The following WDFY3 variants were observed in gnomAD, a reference collection of about 807,000 sequenced individuals.
WDFY3 encodes WD repeat and FYVE domain containing 3, also known as WD repeat and FYVE domain-containing protein 3.
WDFY3 carries 66 observed loss-of-function variants against 409.6 expected under a neutral mutation model. The ratio of observed to expected loss-of-function variants is 0.16; its 90% CI spans 0.13 to 0.20. The LOEUF (loss-of-function observed/expected upper bound fraction) is 0.20, where lower values mean the gene tolerates loss of function less well. Among genes scored for constraint, WDFY3 ranks in the 10% least tolerant of loss-of-function variants. The pLI is 1.00. For missense variants in WDFY3, 3,031 were observed against 4,298.1 expected (o/e 0.71, Z 8.24); for synonymous variants, 1,521 against 1,537.1 (o/e 0.99, Z 0.25).
intron 55 of WDFY3, among the ~76,000 whole-genome samples, chr4:84,702,994 G>T (rs1263335842): frequency 2.0e-5 from 3 of 152,028 alleles, no homozygotes; most frequent in Non-Finnish European, 4.4e-5. Flanking sequence ...TACTTGGGAG[G>T]CTGAGGCAGG....
rs146666242 is a variant in WDFY3, at chr4:84,800,880, A to T, written c.2822+770T>A. Among the ~76,000 whole-genome samples the T allele has an allele frequency of 6.8e-3, 1,042 of 152,250 alleles. 10 individuals are homozygous for T. Among genetic ancestry groups the T allele is most frequent in the African/African-American group, 0.024 (982 of 41,548 alleles). ...TTGACAGGAGGCAGAGCACAGGCGG[A>T]AATGCTGGCTCACCCACAGCTTACC... On this transcript the variant is annotated intron_variant, in intron 17 of 67. Coordinates refer to ENST00000295888, the MANE Select transcript of WDFY3 (RefSeq NM_014991.6).
chr4:84,755,479 A>C, intron 33 of WDFY3, 79 bp from the exon 34 acceptor site: 1 of 1,497,416 alleles, frequency 6.7e-7, no homozygotes, highest in East Asian at 2.4e-5. Context: ...ATAGGCTAAA[A>C]TTTCTTTGAA....
intron 56 of WDFY3, among the ~76,000 whole-genome samples, chr4:84,701,979 C>T (rs1038302467): frequency 5.3e-5 from 8 of 152,112 alleles, no homozygotes; most frequent in East Asian, 1.9e-4. Context: ...ATCAAAACAA[C>T]GAAATTCTAA....
intron 47 of WDFY3, 144 bp downstream of exon 47, chr4:84,721,265 G>A: frequency 2.8e-6 from 3 of 1,060,178 alleles, no homozygotes; most frequent in Admixed American, 4.9e-5. Context: ...GAAAAGTAGA[G>A]TACTGAACCC....
intron 3 of WDFY3, among the ~76,000 whole-genome samples, chr4:84,895,144 T>C (rs1765466099): frequency 6.6e-6 from 1 of 152,180 alleles, no homozygotes; most frequent in South Asian, 2.1e-4. Context: ...AAATTGTATA[T>C]GTTAACATTT....
In WDFY3 at chr4:84,808,471, C is replaced by A. The variant is rs184877212; in HGVS notation, c.2346-54G>T. On this transcript the variant is annotated intron_variant, in intron 14 of 67. Transcript: ENST00000295888. ...TTAGAGAGGTTAGAAGAAGAGAACA[C>A]CAGGTTGGCAGTTGGTTAGTTTCAC... 8 of 1,507,446 alleles carry A rather than the reference C, an allele frequency of 5.3e-6. No homozygotes were observed. The East Asian group carries it at 1.6e-4, about 30-fold the overall frequency. The allele number at this position is 1,507,446 out of a possible 1,614,324, so 93.4% of individuals were successfully genotyped here.
At chr4:84,944,973 C>T (rs992878155) in intron 1 of WDFY3, among the ~76,000 whole-genome samples, 3 of 151,934 alleles carry the variant, frequency 2.0e-5, no homozygotes, top group Admixed American at 2.0e-4. Flanking sequence ...TTGAAAAGAT[C>T]AAAAGATAAA....
chr4:84,706,024 T>A (rs1389368394), intron 53 of WDFY3, among the ~76,000 whole-genome samples: 1 of 151,970 alleles, frequency 6.6e-6, no homozygotes, highest in Non-Finnish European at 1.5e-5. Flanking sequence ...ACTCAGTAAT[T>A]CTTTCACCTC....
chr4:84,857,687 T>A (rs999802760), intron 4 of WDFY3, among the ~76,000 whole-genome samples: 1 of 152,224 alleles, frequency 6.6e-6, no homozygotes, highest in Admixed American at 6.5e-5. Context: ...AAAAGAGCTA[T>A]TTTAAACCTT....
At position 84,709,111 on chromosome 4, in the gene WDFY3, G is replaced by A. The variant is rs1347373053; in HGVS notation, c.8098-83C>T. The A allele has an allele frequency of 9.8e-6, 15 of 1,533,410 alleles. No individual in the cohort carries two copies. The African/African-American group carries it at 1.7e-4, about 17-fold the overall frequency. 95.0% of individuals were successfully genotyped at this position (1,533,410 alleles called of 1,614,324 possible). ...TTTAAAATTTTATATACAAAATGATGTAAAGGACAGTTTCTTTTTAACAGA... is the reference window on the plus strand; with the variant it reads ...TTTAAAATTTTATATACAAAATGATATAAAGGACAGTTTCTTTTTAACAGA... On this transcript the variant is annotated intron_variant, in intron 52 of 67. Transcript: ENST00000295888.
intron 2 of WDFY3, among the ~76,000 whole-genome samples, chr4:84,928,402 G>A (rs1370591975): frequency 6.6e-6 from 1 of 152,128 alleles, no homozygotes; most frequent in East Asian, 1.9e-4. Flanking sequence ...AGACTTCTCA[G>A]TCTCCATAAT....
intron 2 of WDFY3, among the ~76,000 whole-genome samples, chr4:84,907,205 G>A (rs1414535930): frequency 6.6e-6 from 1 of 152,082 alleles, no homozygotes; most frequent in Non-Finnish European, 1.5e-5. Flanking sequence ...ATTTTATGAT[G>A]CTCCTCTTTT....
chr4:84,909,314 C>T (rs1303112868), intron 2 of WDFY3, among the ~76,000 whole-genome samples: 2 of 151,812 alleles, frequency 1.3e-5, no homozygotes, highest in Non-Finnish European at 2.9e-5. Context: ...TAATTTATAA[C>T]CCAGTGTTCT....
At chr4:84,704,205 A>T in intron 55 of WDFY3, 133 bp downstream of exon 55, 2 of 592,610 alleles carry the variant, frequency 3.4e-6, no homozygotes, top group Non-Finnish European at 5.4e-6. Flanking sequence ...ATTCTACTTT[A>T]GTTATGTAAC....
chr4:84,852,011 C>T (rs775382330), intron 4 of WDFY3, among the ~76,000 whole-genome samples: 6 of 152,160 alleles, frequency 3.9e-5, no homozygotes, highest in Non-Finnish European at 7.3e-5. Flanking sequence ...AACCTCAGCA[C>T]ACAGTTTTTG....
intron 2 of WDFY3, among the ~76,000 whole-genome samples, chr4:84,907,352 T>C (rs190209564): frequency 2.6e-5 from 4 of 152,294 alleles, no homozygotes; most frequent in Non-Finnish European, 4.4e-5. Flanking sequence ...TTGCTCTCTC[T>C]CAGATTACTT....
rs376071148 is a variant in WDFY3 at position 84,789,707 on chromosome 4, C to T, written c.3669+19G>A. ...CTACCTTATAAAACAGGTAGATTTA[C>T]AAGTGCACATACACTTACCTTTACA... On this transcript the variant is annotated intron_variant, in intron 22 of 67. Coordinates refer to ENST00000295888, the MANE Select transcript of WDFY3 (RefSeq NM_014991.6). 1.6e-4 allele frequency: 250 copies of T among 1,609,022 alleles called. 1 individual carries two copies. Among genetic ancestry groups the T allele is most frequent in the Non-Finnish European group, 2.0e-4 (235 of 1,176,808 alleles).
At chr4:84,950,473 G>T (rs910072969) in intron 1 of WDFY3, among the ~76,000 whole-genome samples, 3 of 151,810 alleles carry the variant, frequency 2.0e-5, no homozygotes, top group Non-Finnish European at 4.4e-5. Flanking sequence ...TGAACTCTTT[G>T]AAAGAAGTAA....
chr4:84,944,723 G>A (rs192106277), intron 1 of WDFY3, among the ~76,000 whole-genome samples: 49 of 148,518 alleles, frequency 3.3e-4, no homozygotes, highest in African/African-American at 1.1e-3. Flanking sequence ...GAACCTGGGA[G>A]GCAGGTTGCA....
Sources: allele counts gnomAD v4.1 joint callset (sites outside exome capture counted in the v4.1 genomes callset), GRCh38; gene constraint gnomAD v4.1.1; transcripts MANE v1.5; gene names NCBI Gene and HGNC (gene_info 2026-07-23, HGNC 2026-07-21).